FAR2: variants seen among roughly 807,000 people sequenced by gnomAD.
FAR2 encodes the protein fatty acyl-CoA reductase 2, also known as epididymis secretory protein Li 81.
In FAR2, 19 loss-of-function variants were observed where a neutral mutation model predicts 56.0. That is an observed-to-expected ratio of 0.34 (90% CI 0.24 to 0.50). The LOEUF (loss-of-function observed/expected upper bound fraction) is 0.50. Ranked by LOEUF, FAR2 falls within the 20% of genes least tolerant of loss-of-function variation. The pLI, the probability that FAR2 is intolerant of heterozygous loss-of-function variation, is 0.98. For missense variants in FAR2, 508 were observed against 642.2 expected, an observed-to-expected ratio of 0.79 and a Z score of 2.26; for synonymous variants, 219 against 218.8, an observed-to-expected ratio of 1.00 and a Z score of -0.01.
intron 1 of FAR2, among the ~76,000 whole-genome samples, chr12:29,255,773 C>T (rs1339884547): frequency 6.6e-6 from 1 of 152,150 alleles, no homozygotes; most frequent in Non-Finnish European, 1.5e-5. Flanking sequence ...TACAGGCATG[C>T]ACCACCATGT....
chr12:29,331,938 A>G (rs1365954780), intron 10 of FAR2: 1 of 152,058 alleles, frequency 6.6e-6, no homozygotes, highest in Non-Finnish European at 1.5e-5. Flanking sequence ...AAATTTTTTA[A>G]TCATTTTTCT....
intron 10 of FAR2, among the ~76,000 whole-genome samples, chr12:29,326,473 C>T (rs1237100847): frequency 2.0e-5 from 3 of 152,184 alleles, no homozygotes; most frequent in Non-Finnish European, 4.4e-5. Flanking sequence ...AGACCAATAT[C>T]CTTGATGAAC....
chr12:29,272,441 TG>T (rs1467381091), intron 2 of FAR2, among the ~76,000 whole-genome samples: 1 of 152,256 alleles, frequency 6.6e-6, no homozygotes, highest in African/African-American at 2.4e-5. Flanking sequence ...TAACTGTGTA[TG>T]CCTTACGACA....
chr12:29,170,823 G>A (rs1403184263), intron 1 of FAR2, among the ~76,000 whole-genome samples: 1 of 151,836 alleles, frequency 6.6e-6, no homozygotes, highest in Non-Finnish European at 1.5e-5. Context: ...GCCTCTGCTA[G>A]CCGCTTATGC....
At chr12:29,228,672 C>T (rs1263428899) in intron 1 of FAR2, among the ~76,000 whole-genome samples, 3 of 152,204 alleles carry the variant, frequency 2.0e-5, no homozygotes, top group Admixed American at 6.5e-5. Flanking sequence ...ACTGCAGTCT[C>T]TGCCTCCTGG....
chr12:29,231,702 G>A (rs1031927484), intron 1 of FAR2, among the ~76,000 whole-genome samples: 2 of 152,192 alleles, frequency 1.3e-5, no homozygotes, highest in Non-Finnish European at 2.9e-5. Flanking sequence ...CCTTCTATAC[G>A]AAGAGGAACA....
chr12:29,208,029 C>T (rs956581651), intron 1 of FAR2, among the ~76,000 whole-genome samples: 1 of 152,136 alleles, frequency 6.6e-6, no homozygotes, highest in African/African-American at 2.4e-5. Context: ...GACCGAGATC[C>T]CCATCCCTAT....
intron 1 of FAR2, among the ~76,000 whole-genome samples, chr12:29,189,875 A>G (rs1397135915): frequency 6.6e-6 from 1 of 152,180 alleles, no homozygotes; most frequent in Non-Finnish European, 1.5e-5. Context: ...ATAGGTTTGA[A>G]TTAGGATGGT....
At chr12:29,227,311 A>G (rs973477396) in intron 1 of FAR2, among the ~76,000 whole-genome samples, 2 of 152,232 alleles carry the variant, frequency 1.3e-5, no homozygotes, top group South Asian at 2.1e-4. Context: ...GAGAGAAAAT[A>G]GAAACATTAC....
At chr12:29,301,553 G>C (rs1463535793) in intron 4 of FAR2, 2 of 152,162 alleles carry the variant, frequency 1.3e-5, no homozygotes, top group Non-Finnish European at 2.9e-5. Context: ...ACTCCTCTTA[G>C]GGAAAGCAGT....
intron 2 of FAR2, among the ~76,000 whole-genome samples, chr12:29,272,168 G>A (rs7137141): frequency 0.6 from 90,838 of 152,028 alleles, 28,471 homozygotes; most frequent in African/African-American, 0.79. Context: ...CTGAATTTGC[G>A]TGTTGGCCTG....
rs752886309 is a variant in FAR2 at position 29,194,559 on chromosome 12, A to ACACACC, written c.-39+45153_-39+45154insACACCC. On this transcript the variant is annotated intron_variant, in intron 1 of 11. Transcript: ENST00000536681. The stretch of plus-strand genomic sequence containing the variant: ...CACACACACACACACACACACACAC[A>ACACACC]CCACAGGAGGGTATGAAGAGGTTTA... Among the ~76,000 whole-genome samples, 46 of 146,318 alleles carry ACACACC rather than the reference A, an allele frequency of 3.1e-4. No individual in the cohort carries two copies. In the East Asian group the frequency reaches 5.6e-3, roughly 18 times the overall value.
At chr12:29,327,315 A>T (rs1949665154) in intron 10 of FAR2, among the ~76,000 whole-genome samples, 2 of 152,356 alleles carry the variant, frequency 1.3e-5, no homozygotes, top group Middle Eastern at 6.8e-3. Flanking sequence ...TATCGTGAAA[A>T]TGGCCATACT....
intron 1 of FAR2, among the ~76,000 whole-genome samples, chr12:29,253,534 T>C (rs1470100893): frequency 1.3e-5 from 2 of 152,058 alleles, no homozygotes; most frequent in Non-Finnish European, 2.9e-5. Flanking sequence ...ATAATCTATT[T>C]GAAAAAGCCT....
At chr12:29,262,552 C>T (rs1427033918) in intron 1 of FAR2, among the ~76,000 whole-genome samples, 2 of 152,144 alleles carry the variant, frequency 1.3e-5, no homozygotes, top group African/African-American at 4.8e-5. Flanking sequence ...ATCACTTGAA[C>T]CCGGGAAGCA....
chr12:29,281,295 G>C (rs1948779779), intron 2 of FAR2: 1 of 152,246 alleles, frequency 6.6e-6, no homozygotes, highest in Admixed American at 6.5e-5. Context: ...GCAAGCAGCA[G>C]TCCCTAGAAT....
Position 29,210,935 on chromosome 12 carries a change from C to T in FAR2, c.-38-59477C>T, listed in dbSNP as rs183046700. Among the ~76,000 whole-genome samples, 189 of 58,950 alleles carry T rather than the reference C, an allele frequency of 3.2e-3. 1 individual carries two copies. Among genetic ancestry groups the T allele is most frequent in the African/African-American group, 0.01 (181 of 17,620 alleles). 38.7% of individuals were successfully genotyped at this position (58,950 alleles called of 152,430 possible). On this transcript the variant is annotated intron_variant, in intron 1 of 11. Coordinates refer to ENST00000536681, the MANE Select transcript of FAR2 (RefSeq NM_001271783.2). ...TACTGGGTGTGACAGAGTGAGACTC[C>T]GTCTTAAAAACAAAAAAAAAACTAT...
intron 1 of FAR2, among the ~76,000 whole-genome samples, chr12:29,174,099 G>A (rs187673636): frequency 1.8e-4 from 28 of 152,290 alleles, no homozygotes; most frequent in South Asian, 4.2e-4. Context: ...GCCATACCCC[G>A]AGGGAGGGAA....
At chr12:29,258,863 A>G (rs1180803661) in intron 1 of FAR2, among the ~76,000 whole-genome samples, 1 of 152,242 alleles carries the variant, frequency 6.6e-6, no homozygotes, top group African/African-American at 2.4e-5. Context: ...GGATGCATTT[A>G]TAGCACAGAC....
Sources: allele counts gnomAD v4.1 joint callset (sites outside exome capture counted in the v4.1 genomes callset), GRCh38; gene constraint gnomAD v4.1.1; transcripts MANE v1.5; gene names NCBI Gene and HGNC (gene_info 2026-07-23, HGNC 2026-07-21).